Variants in ATRNL1 observed in about 807,000 individuals in gnomAD.
ATRNL1 encodes attractin-like protein 1.
In ATRNL1, 95 loss-of-function variants were observed where a neutral mutation model predicts 182.7. The observed-to-expected ratio is 0.52, with a 90% CI of 0.44 to 0.62. The LOEUF is 0.62. Ranked by LOEUF, ATRNL1 falls within the 20% of genes least tolerant of loss-of-function variation. ATRNL1 has a pLI of 0.00. For synonymous variants in ATRNL1, 576 were observed against 568.3 expected, an observed-to-expected ratio of 1.01 and a Z score of -0.19; for missense variants, 1,471 against 1,679.5, an observed-to-expected ratio of 0.88 and a Z score of 2.17.
intron 26 of ATRNL1, among the ~76,000 whole-genome samples, chr10:115,560,623 A>T (rs1374422361): frequency 6.6e-6 from 1 of 152,246 alleles, no homozygotes; most frequent in Non-Finnish European, 1.5e-5. Flanking sequence ...CATGATACTT[A>T]TCCAAATACT....
At chr10:115,765,969 A>G (rs1948848028) in intron 27 of ATRNL1, among the ~76,000 whole-genome samples, 1 of 12,196 alleles carries the variant, frequency 8.2e-5, no homozygotes. Flanking sequence ...CTTATTAACC[A>G]TCCTTTCCCC....
At chr10:115,147,847 T>A (rs1846039876) in intron 5 of ATRNL1, among the ~76,000 whole-genome samples, 1 of 152,206 alleles carries the variant, frequency 6.6e-6, no homozygotes, top group Non-Finnish European at 1.5e-5. Flanking sequence ...AGTACCATGC[T>A]GTTTTGGTTA....
At chr10:115,290,508 T>C (rs1298929438) in intron 15 of ATRNL1, among the ~76,000 whole-genome samples, 1 of 152,018 alleles carries the variant, frequency 6.6e-6, no homozygotes, top group Non-Finnish European at 1.5e-5. Context: ...TATAAAAAAT[T>C]AGCTGGGCCT....
chr10:115,753,435 C>T (rs1555071147), intron 27 of ATRNL1, among the ~76,000 whole-genome samples: 1 of 152,056 alleles, frequency 6.6e-6, no homozygotes, highest in Non-Finnish European at 1.5e-5. Context: ...GTTTGGTTTT[C>T]CGTTCTCGTG....
intron 10 of ATRNL1, among the ~76,000 whole-genome samples, chr10:115,243,646 G>A (rs184827930): frequency 8.7e-4 from 133 of 152,032 alleles, no homozygotes; most frequent in Admixed American, 8.6e-3. Context: ...CTTAATTATG[G>A]CAACAAATTA....
Position 115,171,194 on chromosome 10 carries a change from A to G in ATRNL1, c.1250A>G (p.His417Arg). The change falls in exon 8 of 29, where the codon CAT (histidine) becomes CGT (arginine). Residue 417 changes from histidine (H) to arginine (R), a missense_variant. His to Arg is a conservative substitution (Grantham distance 29). This residue lies in a region of ATRNL1 where 1,031 missense variants were observed against 1,156.0 expected (regional missense o/e 0.89). Coordinates refer to ENST00000355044, the MANE Select transcript of ATRNL1 (RefSeq NM_207303.4). The part of the protein sequence containing the change: ...QQYAVEGHSA[H>R]IMELDSRDVV... ...TATGCTGTGGAGGGACATTCAGCACATATTATGGAGTTGGATAGTAGAGAT... is the reference window on the plus strand; with the variant it reads ...TATGCTGTGGAGGGACATTCAGCACGTATTATGGAGTTGGATAGTAGAGAT... The G allele has an allele frequency of 6.2e-7, 1 of 1,611,386 alleles. No homozygotes were observed.
At chr10:115,940,953 A>G (rs1460155691) in intron 28 of ATRNL1, among the ~76,000 whole-genome samples, 3 of 152,232 alleles carry the variant, frequency 2.0e-5, no homozygotes, top group African/African-American at 7.2e-5. Flanking sequence ...TAATTAAACT[A>G]CAAGGTTTAT....
Position 115,485,845 on chromosome 10 carries a change from C to T in ATRNL1, c.3654+16516C>T, listed in dbSNP as rs533647416. Among the ~76,000 whole-genome samples the T allele has an allele frequency of 1.1e-4, 16 of 152,094 alleles. No homozygotes were observed. In the East Asian group the frequency reaches 2.5e-3, roughly 24 times the overall value. ...TGCCATGGTGGTTTGCTGCACCCAT[C>T]AACCTGTTATCTACATTAGGTATTT... On this transcript the variant is annotated intron_variant, in intron 24 of 28. Transcript: ENST00000355044.
intron 27 of ATRNL1, among the ~76,000 whole-genome samples, chr10:115,841,715 C>T (rs962409802): frequency 6.6e-6 from 1 of 151,862 alleles, no homozygotes; most frequent in African/African-American, 2.4e-5. Context: ...GTTTTTTTCT[C>T]CTTTATCATT....
Position 115,414,712 on chromosome 10 carries a change from G to A in ATRNL1, c.3270-11538G>A, listed in dbSNP as rs181239064. On this transcript the variant is annotated intron_variant, in intron 20 of 28. Transcript: ENST00000355044. ...GCTGTGTGTGTTTCTGTCTATGTGC[G>A]TATCTTATATTTATATATATAGTTA... Among the ~76,000 whole-genome samples the A allele has an allele frequency of 1.9e-3, 282 of 151,666 alleles. 1 individual carries two copies. The highest frequency in any genetic ancestry group is 0.017 in the Admixed American group (254 of 15,214).
At chr10:115,203,626 C>T (rs1848683110) in intron 8 of ATRNL1, among the ~76,000 whole-genome samples, 2 of 142,786 alleles carry the variant, frequency 1.4e-5, no homozygotes, top group Admixed American at 1.5e-4. Flanking sequence ...GTCACCCAGG[C>T]TAGAGTGTAG....
chr10:115,408,198 T>A (rs1844950580), intron 20 of ATRNL1, among the ~76,000 whole-genome samples: 1 of 151,406 alleles, frequency 6.6e-6, no homozygotes, highest in Non-Finnish European at 1.5e-5. Context: ...AGAGACGGGG[T>A]TTCACCTTGT....
rs193151986 is a variant in ATRNL1 at position 115,147,633 on chromosome 10, G to T, written c.830-12407G>T. 2.0e-5 allele frequency among the ~76,000 whole-genome samples: 3 copies of T among 152,114 alleles called. No individual in the cohort carries two copies. The East Asian group carries it at 5.8e-4, about 29-fold the overall frequency. On this transcript the variant is annotated intron_variant, in intron 5 of 28. Coordinates refer to ENST00000355044, the MANE Select transcript of ATRNL1 (RefSeq NM_207303.4). ...GGTTTAAGTCTTTAATCCATTTTGA[G>T]TTTATTTTTGTATATGGTGAGAGAT...
rs11818103 is a variant in ATRNL1, at chr10:115,600,602, G to A, written c.3795+51066G>A. The stretch of plus-strand genomic sequence containing the variant: ...GTATTCTTATTATTGAGATGTAAAC[G>A]GTTCTTATATAATATGTTCTGGGTT... On this transcript the variant is annotated intron_variant, in intron 26 of 28. Transcript: ENST00000355044. Among the ~76,000 whole-genome samples the A allele has an allele frequency of 7.9e-5, 12 of 152,004 alleles. No homozygotes were observed. In the South Asian group the frequency reaches 2.3e-3, roughly 29 times the overall value.
intron 8 of ATRNL1, among the ~76,000 whole-genome samples, chr10:115,188,524 T>C (rs1848044467): frequency 6.6e-6 from 1 of 152,134 alleles, no homozygotes; most frequent in African/African-American, 2.4e-5. Context: ...AGAATCTCAA[T>C]GTGAGTCTCA....
intron 28 of ATRNL1, among the ~76,000 whole-genome samples, chr10:115,906,774 C>G (rs1952515465): frequency 6.6e-6 from 1 of 152,102 alleles, no homozygotes; most frequent in South Asian, 2.1e-4. Flanking sequence ...TTCATCTTTA[C>G]AGTGAAGGCC....
intron 27 of ATRNL1, among the ~76,000 whole-genome samples, chr10:115,826,736 G>A (rs958948284): frequency 2.0e-5 from 3 of 152,130 alleles, no homozygotes; most frequent in Admixed American, 1.3e-4. Flanking sequence ...AGCTGAGTCC[G>A]GGGTTTTTTA....
chr10:115,581,690 A>G (rs115284019), intron 26 of ATRNL1, among the ~76,000 whole-genome samples: 210 of 152,246 alleles, frequency 1.4e-3, no homozygotes, highest in African/African-American at 4.6e-3. Context: ...CAAGGTAAAC[A>G]GGTCTTCCAT....
rs544929370 is a variant in ATRNL1 at position 115,340,180 on chromosome 10, G to A, written c.3175+5761G>A. On this transcript the variant is annotated intron_variant, in intron 19 of 28. Coordinates refer to ENST00000355044, the MANE Select transcript of ATRNL1 (RefSeq NM_207303.4). ...TGTTTTTGACATGGAGTCTCGCTCT[G>A]TCACCCAGGCTGGAGTGCAGTGGCA... Among the ~76,000 whole-genome samples the A allele has an allele frequency of 2.1e-3, 316 of 152,310 alleles. 1 individual carries two copies. The highest frequency in any genetic ancestry group is 3.7e-3 in the Non-Finnish European group (253 of 68,020).
Sources: allele counts gnomAD v4.1 joint callset (sites outside exome capture counted in the v4.1 genomes callset), GRCh38; gene constraint gnomAD v4.1.1; regional missense constraint gnomAD v4.1.1; transcripts MANE v1.5; gene names NCBI Gene and HGNC (gene_info 2026-07-23, HGNC 2026-07-21).